The following FOXN3 variants were observed in gnomAD, a reference collection of about 807,000 sequenced individuals.
FOXN3 encodes the protein forkhead box protein N3.
Under a neutral mutation model 38.4 loss-of-function variants are expected in FOXN3, and 7 were observed. That is an observed-to-expected ratio of 0.18 (90% confidence interval 0.10 to 0.34). FOXN3 has a LOEUF of 0.34. Among genes scored for constraint, FOXN3 ranks in the 10% least tolerant of loss-of-function variants. The pLI, the probability that FOXN3 is intolerant of heterozygous loss-of-function variation, is 1.00. For missense variants in FOXN3, 456 were observed against 613.4 expected, an observed-to-expected ratio of 0.74 and a Z score of 2.71; for synonymous variants, 230 against 242.2, an observed-to-expected ratio of 0.95 and a Z score of 0.47.
intron 4 of FOXN3, among the ~76,000 whole-genome samples, chr14:89,191,332 T>A (rs1441750814): frequency 6.6e-6 from 1 of 152,202 alleles, no homozygotes; most frequent in Non-Finnish European, 1.5e-5. Context: ...CAGCGCAGCG[T>A]CCCAGCTGCC....
At chr14:89,605,715 A>G (rs977974651) in intron 1 of FOXN3, among the ~76,000 whole-genome samples, 1 of 152,188 alleles carries the variant, frequency 6.6e-6, no homozygotes, top group African/African-American at 2.4e-5. Flanking sequence ...TTTTGTTAAC[A>G]TATTAGAAAT....
intron 2 of FOXN3, among the ~76,000 whole-genome samples, chr14:89,363,561 T>C (rs1596227445): frequency 6.6e-6 from 1 of 152,226 alleles, no homozygotes; most frequent in Admixed American, 6.5e-5. Context: ...CATCTGTATA[T>C]TGGCAAAAAT....
At chr14:89,373,151 G>A (rs1407033465) in intron 2 of FOXN3, among the ~76,000 whole-genome samples, 4 of 152,100 alleles carry the variant, frequency 2.6e-5, no homozygotes, top group African/African-American at 9.7e-5. Context: ...GGGCAACAGA[G>A]CGGGACCCTG....
chr14:89,535,598 G>C (rs987947282), intron 1 of FOXN3, among the ~76,000 whole-genome samples: 2 of 152,134 alleles, frequency 1.3e-5, no homozygotes, highest in African/African-American at 4.8e-5. Flanking sequence ...TCCTTGGATT[G>C]CAACTGCCTG....
At chr14:89,592,543 A>C (rs958919721) in intron 1 of FOXN3, among the ~76,000 whole-genome samples, 1 of 152,244 alleles carries the variant, frequency 6.6e-6, no homozygotes, top group African/African-American at 2.4e-5. Flanking sequence ...TGGTAGATGG[A>C]CTTCTCAACA....
At chr14:89,194,136 TCA>T (rs1888036392) in intron 4 of FOXN3, among the ~76,000 whole-genome samples, 1 of 152,192 alleles carries the variant, frequency 6.6e-6, no homozygotes, top group African/African-American at 2.4e-5. Flanking sequence ...GGTTTACTAT[TCA>T]GTTTCTTAAG....
At chr14:89,182,534 G>A (rs542428666) in intron 4 of FOXN3, among the ~76,000 whole-genome samples, 1 of 152,260 alleles carries the variant, frequency 6.6e-6, no homozygotes, top group African/African-American at 2.4e-5. Context: ...TACCATTCCT[G>A]ATTATCAGCC....
chr14:89,329,612 C>A (rs1888178349), intron 3 of FOXN3, among the ~76,000 whole-genome samples: 1 of 152,178 alleles, frequency 6.6e-6, no homozygotes, highest in Non-Finnish European at 1.5e-5. Context: ...AATCCCAGCA[C>A]TTTGGGAGGC....
chr14:89,528,409 T>TTTTTTTTTTTTAA (rs1894478238), intron 1 of FOXN3, among the ~76,000 whole-genome samples: 1 of 98,966 alleles, frequency 1.0e-5, no homozygotes, highest in Non-Finnish European at 2.2e-5. Flanking sequence ...TTTTTTTTTT[T>TTTTTTTTTTTTAA]GAAAAAGAAA....
At chr14:89,304,768 G>T (rs1042908249) in intron 3 of FOXN3, among the ~76,000 whole-genome samples, 19 of 151,928 alleles carry the variant, frequency 1.3e-4, no homozygotes, top group African/African-American at 4.4e-4. Flanking sequence ...TTAAGCACTG[G>T]TGTCTCCCAG....
At chr14:89,618,478 C>T (rs1037625891) in intron 1 of FOXN3, among the ~76,000 whole-genome samples, 2 of 152,118 alleles carry the variant, frequency 1.3e-5, no homozygotes, top group African/African-American at 2.4e-5. Flanking sequence ...TCAGGATAAC[C>T]CGTTACAGTA....
intron 2 of FOXN3, among the ~76,000 whole-genome samples, chr14:89,355,505 G>A (rs923332921): frequency 1.3e-5 from 2 of 152,152 alleles, no homozygotes; most frequent in Admixed American, 1.3e-4. Flanking sequence ...CCAAAGTGCT[G>A]GAAATACAGG....
chr14:89,483,693 C>T (rs1893390163), intron 1 of FOXN3, among the ~76,000 whole-genome samples: 1 of 152,220 alleles, frequency 6.6e-6, no homozygotes, highest in Non-Finnish European at 1.5e-5. Flanking sequence ...CAGGCGTGAG[C>T]CACTGCACCT....
chr14:89,235,590 CTA>C (rs1048929414), intron 4 of FOXN3, among the ~76,000 whole-genome samples: 1 of 152,164 alleles, frequency 6.6e-6, no homozygotes, highest in Non-Finnish European at 1.5e-5. Context: ...GCACATGTGA[CTA>C]TGTTAGATTT....
chr14:89,564,131 A>T (rs1259452895), intron 1 of FOXN3, among the ~76,000 whole-genome samples: 1 of 152,208 alleles, frequency 6.6e-6, no homozygotes, highest in Admixed American at 6.5e-5. Context: ...CTAGGATTAC[A>T]GGCATGAGCC....
chr14:89,248,075 C>T (rs1195818204), intron 4 of FOXN3, among the ~76,000 whole-genome samples: 2 of 152,212 alleles, frequency 1.3e-5, no homozygotes, highest in Non-Finnish European at 2.9e-5. Context: ...ATAACACCTT[C>T]CTCCTGCTCC....
chr14:89,387,705 G>A (rs1246177043), intron 2 of FOXN3, among the ~76,000 whole-genome samples: 3 of 152,212 alleles, frequency 2.0e-5, no homozygotes, highest in African/African-American at 7.2e-5. Flanking sequence ...TTCCATTAAG[G>A]AAATGGGCTT....
At chr14:89,503,796 C>T (rs559288423) in intron 1 of FOXN3, among the ~76,000 whole-genome samples, 72 of 152,234 alleles carry the variant, frequency 4.7e-4, no homozygotes, top group African/African-American at 1.5e-3. Context: ...CTTGTCTCAC[C>T]GGGCATATTA....
chr14:89,359,306 T>TA (rs60081259), intron 2 of FOXN3, among the ~76,000 whole-genome samples: 552 of 143,882 alleles, frequency 3.8e-3, no homozygotes, highest in African/African-American at 9.1e-3. Context: ...AAAATAAAAT[T>TA]AAAAAAAAAA....
Sources: allele counts gnomAD v4.1 joint callset (sites outside exome capture counted in the v4.1 genomes callset), GRCh38; gene constraint gnomAD v4.1.1; transcripts MANE v1.5; gene names NCBI Gene and HGNC (gene_info 2026-07-23, HGNC 2026-07-21).